LSAMP: variants seen among roughly 807,000 people sequenced by gnomAD.
The protein encoded by LSAMP is limbic system associated membrane protein, also known as limbic system-associated membrane protein.
In LSAMP, 7 loss-of-function variants were observed where a neutral mutation model predicts 38.6. The ratio of observed to expected loss-of-function variants is 0.18; its 90% confidence interval spans 0.10 to 0.34. The LOEUF (loss-of-function observed/expected upper bound fraction) is 0.34, where lower values mean the gene tolerates loss of function less well. Among genes scored for constraint, LSAMP ranks in the 10% least tolerant of loss-of-function variants. LSAMP has a pLI of 1.00. For missense variants in LSAMP, 313 were observed against 420.0 expected (o/e 0.75, Z 2.23); for synonymous variants, 154 against 166.8 (o/e 0.92, Z 0.59).
intron 1 of LSAMP, among the ~76,000 whole-genome samples, chr3:116,442,372 A>G (rs944268891): frequency 3.9e-5 from 6 of 152,142 alleles, no homozygotes; most frequent in Admixed American, 6.5e-5. Flanking sequence ...GGTGCCAGAC[A>G]TCTACTGTGG....
At chr3:116,075,388 A>G (rs1036392741) in intron 2 of LSAMP, among the ~76,000 whole-genome samples, 2 of 149,736 alleles carry the variant, frequency 1.3e-5, no homozygotes, top group South Asian at 2.1e-4. Flanking sequence ...CGCCCGCCTC[A>G]GCCTCCCAAA....
At chr3:116,110,423 G>C (rs1363282357) in intron 1 of LSAMP, among the ~76,000 whole-genome samples, 1 of 152,182 alleles carries the variant, frequency 6.6e-6, no homozygotes, top group African/African-American at 2.4e-5. Context: ...AATCAGAGAG[G>C]CTTCCCTGCA....
chr3:116,280,032 A>T (rs2047108526), intron 1 of LSAMP, among the ~76,000 whole-genome samples: 1 of 151,480 alleles, frequency 6.6e-6, no homozygotes, highest in Non-Finnish European at 1.5e-5. Flanking sequence ...TTATTCACAC[A>T]TAAAAAAATA....
Position 116,087,154 on chromosome 3 carries a change from A to G in LSAMP, c.156-598T>C, listed in dbSNP as rs575109368. ...GAAATCAAAGCAAACATCATCTGGC[A>G]TAAGTTTGGTTCCAGCTGCTGAAGG... is the stretch of plus-strand genomic sequence containing the variant. On this transcript the variant is annotated intron_variant, in intron 1 of 6. Coordinates refer to ENST00000490035, the MANE Select transcript of LSAMP (RefSeq NM_002338.5). Among the ~76,000 whole-genome samples, 6 of 152,336 alleles carry G rather than the reference A, an allele frequency of 3.9e-5. No homozygotes were observed. The East Asian group carries it at 7.7e-4, about 20-fold the overall frequency.
chr3:116,015,078 A>G (rs1940438278), intron 3 of LSAMP, among the ~76,000 whole-genome samples: 1 of 152,158 alleles, frequency 6.6e-6, no homozygotes, highest in Non-Finnish European at 1.5e-5. Context: ...TCCAAGCACA[A>G]TATTTTCCCA....
In LSAMP at chr3:116,445,483, A is replaced by ACAG. The variant is rs889366161; in HGVS notation, c.-455_-453dup. On this transcript the variant is annotated 5_prime_UTR_variant, in exon 1 of 7. Coordinates refer to ENST00000490035, the MANE Select transcript of LSAMP (RefSeq NM_002338.5). ...CCAGTGAGTGTACAGAAACAGCCAC[A>ACAG]CAGCAGCAGCAGCAGCAGAAGCAGC... is the stretch of plus-strand genomic sequence containing the variant. 9.4e-5 allele frequency: 39 copies of ACAG among 415,328 alleles called. No individual in the cohort carries two copies. Among genetic ancestry groups the ACAG allele is most frequent in the African/African-American group, 1.4e-4 (7 of 48,466 alleles). 25.7% of individuals were successfully genotyped at this position (415,328 alleles called of 1,614,324 possible).
At chr3:116,305,351 A>G (rs1041625569) in intron 1 of LSAMP, among the ~76,000 whole-genome samples, 4 of 152,132 alleles carry the variant, frequency 2.6e-5, no homozygotes, top group African/African-American at 9.7e-5. Flanking sequence ...AAAATACTGT[A>G]TGGTTTATTC....
At chr3:116,305,608 T>C (rs1357896132) in intron 1 of LSAMP, among the ~76,000 whole-genome samples, 2 of 151,732 alleles carry the variant, frequency 1.3e-5, no homozygotes, top group African/African-American at 2.4e-5. Context: ...AGAAAATAAA[T>C]AACATTGATA....
intron 1 of LSAMP, among the ~76,000 whole-genome samples, chr3:116,380,896 T>C (rs971908787): frequency 6.6e-6 from 1 of 152,070 alleles, no homozygotes; most frequent in Non-Finnish European, 1.5e-5. Flanking sequence ...CATGAACTTA[T>C]ATACTTATGA....
chr3:116,050,233 C>A (rs1220771743), intron 2 of LSAMP, among the ~76,000 whole-genome samples: 1 of 152,112 alleles, frequency 6.6e-6, no homozygotes, highest in Non-Finnish European at 1.5e-5. Flanking sequence ...AGGCTCTCTG[C>A]ACACAGTGCT....
intron 1 of LSAMP, among the ~76,000 whole-genome samples, chr3:116,375,206 T>C (rs1266965786): frequency 6.6e-6 from 1 of 151,968 alleles, no homozygotes; most frequent in African/African-American, 2.4e-5. Flanking sequence ...AAGGTGGCTA[T>C]TTCAACCACT....
At chr3:116,185,018 C>A (rs1576418309) in intron 1 of LSAMP, among the ~76,000 whole-genome samples, 1 of 125,292 alleles carries the variant, frequency 8.0e-6, no homozygotes, top group South Asian at 2.5e-4. Context: ...TTTTTTCTTT[C>A]TTTCTTTCTT....
intron 1 of LSAMP, among the ~76,000 whole-genome samples, chr3:116,285,046 C>G (rs2047175178): frequency 6.6e-6 from 1 of 152,070 alleles, no homozygotes; most frequent in South Asian, 2.1e-4. Context: ...ACAGAAACAA[C>G]AAAGAAAGCA....
chr3:115,926,228 T>A (rs1165631080), intron 3 of LSAMP, among the ~76,000 whole-genome samples: 1 of 152,124 alleles, frequency 6.6e-6, no homozygotes, highest in Non-Finnish European at 1.5e-5. Context: ...CAAAGCTAGA[T>A]GAGAGTGAAT....
chr3:115,894,188 A>T (rs1196097222), intron 3 of LSAMP, among the ~76,000 whole-genome samples: 1 of 152,046 alleles, frequency 6.6e-6, no homozygotes, highest in African/African-American at 2.4e-5. Context: ...TCTATGGTGC[A>T]CCTATTTTCA....
At chr3:116,433,405 T>A (rs1006657440) in intron 1 of LSAMP, among the ~76,000 whole-genome samples, 1 of 152,138 alleles carries the variant, frequency 6.6e-6, no homozygotes, top group Non-Finnish European at 1.5e-5. Flanking sequence ...GAAAGCTAGG[T>A]TGCATTTTTC....
intron 3 of LSAMP, among the ~76,000 whole-genome samples, chr3:115,985,006 TG>T (rs1324902459): frequency 1.3e-5 from 2 of 152,194 alleles, no homozygotes; most frequent in Non-Finnish European, 2.9e-5. Flanking sequence ...AGGGTCAGAT[TG>T]TAAAGGGCCT....
chr3:116,354,033 G>T (rs2048185636), intron 1 of LSAMP, among the ~76,000 whole-genome samples: 2 of 152,234 alleles, frequency 1.3e-5, no homozygotes, highest in Non-Finnish European at 1.5e-5. Context: ...ATCAGGATCT[G>T]CTAAAACCCT....
At chr3:116,093,938 T>A (rs753138333) in intron 1 of LSAMP, among the ~76,000 whole-genome samples, 4 of 152,174 alleles carry the variant, frequency 2.6e-5, no homozygotes, top group Admixed American at 6.6e-5. Flanking sequence ...TGGGAAGTGA[T>A]GCTATATATT....
Sources: allele counts gnomAD v4.1 joint callset (sites outside exome capture counted in the v4.1 genomes callset), GRCh38; gene constraint gnomAD v4.1.1; transcripts MANE v1.5; gene names NCBI Gene and HGNC (gene_info 2026-07-23, HGNC 2026-07-21).